The following HTR4 variants were observed in gnomAD, a reference collection of about 807,000 sequenced individuals.
HTR4 encodes the protein 5-hydroxytryptamine receptor 4, also known as 5-hydroxytryptamine (serotonin) receptor 4, G protein-coupled.
In HTR4, 16 loss-of-function variants were observed where a neutral mutation model predicts 36.8. The ratio of observed to expected loss-of-function variants is 0.43; its 90% confidence interval spans 0.29 to 0.66. The LOEUF is 0.66. Among genes scored for constraint, HTR4 ranks in the 30% least tolerant of loss-of-function variants. The pLI is 0.13. For synonymous variants in HTR4, 189 were observed against 185.1 expected (o/e 1.02, Z -0.17); for missense variants, 438 against 490.9 (o/e 0.89, Z 1.02).
chr5:148,488,351 A>T (rs1260202332), intron 6 of HTR4, among the ~76,000 whole-genome samples: 1 of 152,204 alleles, frequency 6.6e-6, no homozygotes, highest in African/African-American at 2.4e-5. Context: ...CAAGTCTCTA[A>T]TACCTAACAA....
At chr5:148,560,175 T>G (rs1760134705) in intron 2 of HTR4, among the ~76,000 whole-genome samples, 1 of 148,842 alleles carries the variant, frequency 6.7e-6, no homozygotes, top group African/African-American at 2.5e-5. Context: ...TTTTCTTTTC[T>G]TTTTTCTTTT....
chr5:148,646,542 T>A (rs1753880368), intron 1 of HTR4, among the ~76,000 whole-genome samples: 1 of 152,200 alleles, frequency 6.6e-6, no homozygotes, highest in South Asian at 2.1e-4. Context: ...ACATTTTTCC[T>A]AGACTAATAA....
At chr5:148,631,773 T>C (rs775719934) in intron 2 of HTR4, among the ~76,000 whole-genome samples, 5 of 152,184 alleles carry the variant, frequency 3.3e-5, no homozygotes, top group Non-Finnish European at 7.4e-5. Flanking sequence ...TGTGACTTGG[T>C]GTCATGACAG....
intron 4 of HTR4, among the ~76,000 whole-genome samples, chr5:148,529,506 C>T (rs545846922): frequency 1.0e-3 from 153 of 152,308 alleles, no homozygotes; most frequent in African/African-American, 3.5e-3. Context: ...ACATGGCTTT[C>T]GCCTTCTGCC....
rs767954442 is a variant in HTR4 at position 148,483,284 on chromosome 5, C to A, written c.1086G>T (p.Val362=). ...GACTCTCCCACTGGCCACCACACTC[C>A]ACTGCATCCCTAGAGAGAGGAGAAG... ...NGSTHVLRDA[V]ECGGQWESQC... Residue 362 remains valine (V), a synonymous_variant, in exon 7 of 7, where the codon GTG becomes GTT. Coordinates refer to ENST00000377888, the MANE Select transcript of HTR4 (RefSeq NM_000870.7). The A allele has an allele frequency of 1.2e-6, 2 of 1,613,166 alleles. No individual in the cohort carries two copies. Among genetic ancestry groups the A allele is most frequent in the South Asian group, 2.2e-5 (2 of 90,890 alleles).
intron 2 of HTR4, among the ~76,000 whole-genome samples, chr5:148,599,551 G>T (rs1561642356): frequency 6.6e-6 from 1 of 151,182 alleles, no homozygotes. Flanking sequence ...TCCTTCAAAA[G>T]TGAAAAAAAA....
At chr5:148,516,858 A>C (rs1369362540) in intron 5 of HTR4, among the ~76,000 whole-genome samples, 5 of 152,178 alleles carry the variant, frequency 3.3e-5, no homozygotes, top group Non-Finnish European at 7.3e-5. Flanking sequence ...AGCAGATAGA[A>C]TATGAAAAGA....
At chr5:148,465,838 T>C in intron 5 of HTR4, 3 of 1,606,972 alleles carry the variant, frequency 1.9e-6, no homozygotes, top group Non-Finnish European at 2.5e-6. Context: ...CAACAGACAG[T>C]GACAGACTTA....
chr5:148,483,424 G>C, intron 6 of HTR4, 131 bp from the exon 7 acceptor site: 1 of 773,582 alleles, frequency 1.3e-6, no homozygotes, highest in South Asian at 1.6e-5. Flanking sequence ...CTTCTACTTA[G>C]GAATTTCCAT....
At chr5:148,635,735 T>A (rs1753510130) in intron 2 of HTR4, among the ~76,000 whole-genome samples, 1 of 152,124 alleles carries the variant, frequency 6.6e-6, no homozygotes, top group African/African-American at 2.4e-5. Flanking sequence ...AAAATAAAAT[T>A]GAGATTCTCT....
At chr5:148,466,088 G>A (rs1256975747) in intron 5 of HTR4, among the ~76,000 whole-genome samples, 1 of 152,146 alleles carries the variant, frequency 6.6e-6, no homozygotes, top group Admixed American at 6.5e-5. Flanking sequence ...AAGGAGGGGA[G>A]CATAATTATT....
chr5:148,624,194 T>C (rs771657666), intron 2 of HTR4, among the ~76,000 whole-genome samples: 6 of 152,192 alleles, frequency 3.9e-5, no homozygotes, highest in Admixed American at 1.3e-4. Flanking sequence ...ATCTTAGGAA[T>C]TGGTGTAATA....
In HTR4 at chr5:148,552,799, T is replaced by C. The variant is rs140354386; in HGVS notation, c.27-2537A>G. Among the ~76,000 whole-genome samples the C allele has an allele frequency of 3.4e-3, 522 of 152,362 alleles. 1 individual carries two copies. The highest frequency in any genetic ancestry group is 0.012 in the African/African-American group (491 of 41,582). ...CTGGCACAATATCTAGTCTAGAGTA[T>C]GTATTAATGTACATGAAATGCTATG... On this transcript the variant is annotated intron_variant, in intron 2 of 6. Transcript: ENST00000377888.
chr5:148,558,437 G>A (rs1405631920), intron 2 of HTR4, among the ~76,000 whole-genome samples: 1 of 152,064 alleles, frequency 6.6e-6, no homozygotes, highest in Non-Finnish European at 1.5e-5. Context: ...ATTTGTAATT[G>A]CAAATTCTTT....
At chr5:148,613,683 C>T (rs1382852467) in intron 2 of HTR4, among the ~76,000 whole-genome samples, 3 of 149,468 alleles carry the variant, frequency 2.0e-5, no homozygotes. Context: ...CTGGCCAGGG[C>T]AATTAGGCAG....
intron 5 of HTR4, among the ~76,000 whole-genome samples, chr5:148,512,087 C>G (rs1038767447): frequency 6.6e-6 from 1 of 152,138 alleles, no homozygotes; most frequent in African/African-American, 2.4e-5. Flanking sequence ...TTCAATGGGA[C>G]GAGAGCATTG....
At chr5:148,516,088 T>G (rs1486468414) in intron 5 of HTR4, among the ~76,000 whole-genome samples, 1 of 151,088 alleles carries the variant, frequency 6.6e-6, no homozygotes. Context: ...GTAATAAAAT[T>G]TTATCCATTT....
At chr5:148,454,645 T>G (rs1188395985) in intron 5 of HTR4, among the ~76,000 whole-genome samples, 2 of 152,194 alleles carry the variant, frequency 1.3e-5, no homozygotes, top group African/African-American at 2.4e-5. Context: ...AAGCCCTCTT[T>G]TGGCAAATAT....
chr5:148,559,539 T>C lies in HTR4; in HGVS notation c.27-9277A>G, dbSNP rs79078721. ...CTATGTAATTGTTTTAAAGTATATATCATTTCCTTTAAATATATGCACTCT... is the reference window on the plus strand; with the variant it reads ...CTATGTAATTGTTTTAAAGTATATACCATTTCCTTTAAATATATGCACTCT... On this transcript the variant is annotated intron_variant, in intron 2 of 6. Coordinates refer to ENST00000377888, the MANE Select transcript of HTR4 (RefSeq NM_000870.7). 1.3e-3 allele frequency among the ~76,000 whole-genome samples: 194 copies of C among 152,072 alleles called. 3 individuals are homozygous for C. The East Asian group carries it at 0.03, about 23-fold the overall frequency.
Sources: allele counts gnomAD v4.1 joint callset (sites outside exome capture counted in the v4.1 genomes callset), GRCh38; gene constraint gnomAD v4.1.1; transcripts MANE v1.5; gene names NCBI Gene and HGNC (gene_info 2026-07-23, HGNC 2026-07-21).